SNAP47: variants seen among roughly 807,000 people sequenced by gnomAD.
SNAP47 encodes the protein synaptosomal-associated protein 47.
In SNAP47, 20 loss-of-function variants were observed where a neutral mutation model predicts 31.4. The ratio of observed to expected loss-of-function variants is 0.64; its 90% CI spans 0.45 to 0.93. SNAP47 has a LOEUF of 0.93. Ranked by LOEUF, SNAP47 falls within the 40% of genes least tolerant of loss-of-function variation. The probability of loss-of-function intolerance (pLI) is 0.00; values close to 1 mark genes in which losing one functional copy is unlikely to be tolerated. For synonymous variants in SNAP47, 194 were observed against 213.4 expected (o/e 0.91, Z 0.79); for missense variants, 492 against 528.5 (o/e 0.93, Z 0.68).
upstream of SNAP47, chr1:227,733,786 T>C (rs541305985): frequency 1.1e-5 from 17 of 1,581,680 alleles, no homozygotes; most frequent in African/African-American, 2.3e-4. Context: ...CCCCTTGGTC[T>C]CAAGGGATGG....
chr1:227,734,584 A>C, upstream of SNAP47: 1 of 1,530,806 alleles, frequency 6.5e-7, no homozygotes. Context: ...CACCTTCATC[A>C]GAAAGGCCTC....
chr1:227,760,824 A>G (rs747426642), intron 3 of SNAP47, among the ~76,000 whole-genome samples: 1 of 152,226 alleles, frequency 6.6e-6, no homozygotes, highest in Non-Finnish European at 1.5e-5. Context: ...CTAGTCCATC[A>G]GCCTTGGCTG....
chr1:227,771,219 A>G (rs898982738), intron 4 of SNAP47, among the ~76,000 whole-genome samples: 2 of 152,158 alleles, frequency 1.3e-5, no homozygotes, highest in Non-Finnish European at 2.9e-5. Flanking sequence ...GCAGGAGGTC[A>G]ATATTTTGGG....
At chr1:227,755,971 A>T (rs1662670267) in intron 2 of SNAP47, among the ~76,000 whole-genome samples, 1 of 152,222 alleles carries the variant, frequency 6.6e-6, no homozygotes, top group Admixed American at 6.5e-5. Context: ...ATCTACCTGT[A>T]ACATGTAAGC....
chr1:227,759,363 A>C lies in SNAP47; in HGVS notation c.866A>C (p.Glu289Ala). ...AYRLISAKMP[E>A]VIPILEVQFS... ...CGTTTGATATCTGCCAAGATGCCAG[A>C]GGTTATCCCCATTTTAGAAGTGCAG... Residue 289 changes from glutamate to alanine, a missense_variant, in exon 3 of 5, where the codon GAG (glutamate) becomes GCG (alanine). Coordinates refer to ENST00000617596, the MANE Select transcript of SNAP47 (RefSeq NM_053052.4). The C allele has an allele frequency of 6.2e-7, 1 of 1,614,246 alleles. No homozygotes were observed. Among genetic ancestry groups the C allele is most frequent in the South Asian group, 1.1e-5 (1 of 91,086 alleles).
chr1:227,773,586 C>T (rs976891220), intron 4 of SNAP47, among the ~76,000 whole-genome samples: 3 of 152,218 alleles, frequency 2.0e-5, no homozygotes, highest in South Asian at 2.1e-4. Flanking sequence ...CACCCAGGGC[C>T]GCGTCCAGTC....
At chr1:227,734,944 G>A, upstream of SNAP47, 13 of 1,499,762 alleles carry the variant, frequency 8.7e-6, no homozygotes, top group Non-Finnish European at 9.8e-6. Flanking sequence ...CTCTCTAGGC[G>A]GGGGCCTCCC....
intron 4 of SNAP47, among the ~76,000 whole-genome samples, chr1:227,767,751 G>A (rs1326617342): frequency 6.6e-6 from 1 of 152,206 alleles, no homozygotes. Context: ...GTGCATGTGC[G>A]TGCATGTGTG....
chr1:227,753,985 C>A (rs1457956146), intron 2 of SNAP47, among the ~76,000 whole-genome samples: 1 of 152,184 alleles, frequency 6.6e-6, no homozygotes, highest in Non-Finnish European at 1.5e-5. Context: ...AGACTCTCTA[C>A]CCTGTTGCAA....
At chr1:227,756,720 G>C (rs1662721638) in intron 2 of SNAP47, among the ~76,000 whole-genome samples, 2 of 152,254 alleles carry the variant, frequency 1.3e-5, no homozygotes, top group South Asian at 4.1e-4. Context: ...AGGGACTTTT[G>C]CCTGGGGTCC....
upstream of SNAP47, chr1:227,732,718 C>A (rs1325512096): frequency 6.2e-7 from 1 of 1,604,348 alleles, no homozygotes; most frequent in Admixed American, 1.7e-5. Context: ...ACCATGGACA[C>A]AGTCCAAGCT....
upstream of SNAP47, chr1:227,733,205 G>A (rs948405116): frequency 1.4e-5 from 12 of 867,524 alleles, no homozygotes; most frequent in African/African-American, 1.7e-4. Flanking sequence ...GACCACCTCA[G>A]GCCACAGTGA....
At chr1:227,764,835 C>T (rs1328421184) in intron 3 of SNAP47, among the ~76,000 whole-genome samples, 3 of 151,898 alleles carry the variant, frequency 2.0e-5, no homozygotes, top group Admixed American at 1.3e-4. Flanking sequence ...ACCTGGGAGG[C>T]GGAGGTTGTG....
chr1:227,763,440 G>A lies in SNAP47; in HGVS notation c.989-3519G>A, dbSNP rs1394712879. ...CAGCAGGACAGGGCAGGAGGCAGGC[G>A]GATGCAGTGGGCAGTTAGTAAAGGA... is the stretch of plus-strand genomic sequence containing the variant. On this transcript the variant is annotated intron_variant, in intron 3 of 4. Transcript: ENST00000617596. The surrounding 1 kb of genome is among the most constrained non-coding windows in gnomAD (Gnocchi z 4.2). 3.9e-5 allele frequency among the ~76,000 whole-genome samples: 6 copies of A among 152,196 alleles called. No individual in the cohort carries two copies. The highest frequency in any genetic ancestry group is 2.9e-5 in the Non-Finnish European group (2 of 68,026).
chr1:227,735,448 C>T lies in SNAP47; in HGVS notation c.-97C>T, dbSNP rs370908569. 2.2e-5 allele frequency: 32 copies of T among 1,448,790 alleles called. No homozygotes were observed. The highest frequency in any genetic ancestry group is 3.7e-4 in the Middle Eastern group (2 of 5,370). The allele number at this position is 1,448,790 out of a possible 1,614,324, so 89.7% of individuals were successfully genotyped here. On this transcript the variant is annotated 5_prime_UTR_variant, in exon 1 of 5. Coordinates refer to ENST00000617596, the MANE Select transcript of SNAP47 (RefSeq NM_053052.4). ...GCCGCGGTCTTCACTGCGCAGGCGC[C>T]GAGCGGCCGAGGCGCCGCGGTCGGC...
At chr1:227,733,772 G>A (rs544349194), upstream of SNAP47, 19 of 1,587,092 alleles carry the variant, frequency 1.2e-5, no homozygotes, top group African/African-American at 1.3e-4. Context: ...TGAAGGAGGG[G>A]TGGCCCCTTG....
At chr1:227,753,197 G>A (rs1662487679) in intron 2 of SNAP47, among the ~76,000 whole-genome samples, 1 of 152,194 alleles carries the variant, frequency 6.6e-6, no homozygotes, top group African/African-American at 2.4e-5. Flanking sequence ...GAAGCATGCT[G>A]CAGTGAACTT....
intron 2 of SNAP47, among the ~76,000 whole-genome samples, chr1:227,753,100 T>C (rs931956412): frequency 6.6e-6 from 1 of 152,214 alleles, no homozygotes; most frequent in South Asian, 2.1e-4. Context: ...TAAACAAGCT[T>C]TTCTCTAACT....
At chr1:227,776,624 T>C in intron 4 of SNAP47, 1 of 985,490 alleles carries the variant, frequency 1.0e-6, no homozygotes. Flanking sequence ...ATTCTTTCCA[T>C]CCCTGTTATG....
Sources: gnomAD v4.1 joint callset for allele counts (sites outside exome capture counted in the v4.1 genomes callset) on GRCh38, gnomAD v4.1.1 for gene constraint, Gnocchi (gnomAD v3.1) non-coding constraint, MANE v1.5 for transcripts, NCBI Gene and HGNC (gene_info 2026-07-23, HGNC 2026-07-21) for gene names.